MON2: variants seen among roughly 807,000 people sequenced by gnomAD.
MON2 encodes protein MON2 homolog.
Under a neutral mutation model 208.6 loss-of-function variants are expected in MON2, and 84 were observed. That is an observed-to-expected ratio of 0.40 (90% CI 0.34 to 0.48). The LOEUF (loss-of-function observed/expected upper bound fraction) is 0.48. MON2 is among the 20% of genes least tolerant of loss of function. The probability of loss-of-function intolerance (pLI) is 0.59; values close to 1 mark genes in which losing one functional copy is unlikely to be tolerated. For synonymous variants in MON2, 660 were observed against 694.0 expected (o/e 0.95, Z 0.77); for missense variants, 1,611 against 2,015.4 (o/e 0.80, Z 3.84).
intron 25 of MON2, among the ~76,000 whole-genome samples, chr12:62,557,586 G>C (rs1201213148): frequency 2.6e-5 from 4 of 152,136 alleles, no homozygotes; most frequent in African/African-American, 9.7e-5. Context: ...ATAGTTATGA[G>C]CATGTTGTAC....
At chr12:62,515,889 G>A (rs373912886) in intron 8 of MON2, among the ~76,000 whole-genome samples, 18 of 151,966 alleles carry the variant, frequency 1.2e-4, no homozygotes, top group African/African-American at 3.9e-4. Context: ...AACTGTACAC[G>A]TAAATATTGT....
At chr12:62,477,776 G>C (rs989059835) in intron 1 of MON2, among the ~76,000 whole-genome samples, 2 of 152,086 alleles carry the variant, frequency 1.3e-5, no homozygotes, top group African/African-American at 4.8e-5. Context: ...TCCTGCGCAA[G>C]TTACATAATG....
At chr12:62,573,394 CTTT>C (rs778858180) in intron 30 of MON2, among the ~76,000 whole-genome samples, 3 of 134,160 alleles carry the variant, frequency 2.2e-5, no homozygotes, top group Admixed American at 7.5e-5. Context: ...TTCAGATCAG[CTTT>C]TTTTTTTTTT....
chr12:62,589,848 G>A (rs1292574324), intron 34 of MON2, among the ~76,000 whole-genome samples: 1 of 151,872 alleles, frequency 6.6e-6, no homozygotes, highest in African/African-American at 2.4e-5. Context: ...ATATGTATAA[G>A]GCAGTGTAGT....
rs572840103 is a variant in MON2, at chr12:62,547,135, A to G, written c.2753+63A>G. The G allele has an allele frequency of 5.4e-6, 6 of 1,117,542 alleles. No homozygotes were observed. The African/African-American group carries it at 9.7e-5, about 18-fold the overall frequency. The allele number at this position is 1,117,542 out of a possible 1,614,324, so 69.2% of individuals were successfully genotyped here. A position where few individuals can be genotyped will look rare whatever the true frequency, so the allele number is the denominator to read the frequency against. Reference sequence around the variant, plus strand: ...AAAAATAAAATATAAATAAAATAAAATTAACATCAAAAAAGTGATAGAGGT... The same window carrying G: ...AAAAATAAAATATAAATAAAATAAAGTTAACATCAAAAAAGTGATAGAGGT... On this transcript the variant is annotated intron_variant, in intron 22 of 34. Coordinates refer to ENST00000393630, the MANE Select transcript of MON2 (RefSeq NM_015026.3).
intron 2 of MON2, among the ~76,000 whole-genome samples, chr12:62,488,293 A>G (rs188827258): frequency 1.3e-5 from 2 of 152,288 alleles, no homozygotes; most frequent in Admixed American, 1.3e-4. Context: ...CACCTAACCC[A>G]GCCTGGGAAT....
chr12:62,535,884 G>A (rs185245565), intron 14 of MON2, among the ~76,000 whole-genome samples, 175 bp downstream of exon 14: 2 of 117,432 alleles, frequency 1.7e-5, no homozygotes, highest in East Asian at 3.1e-4. Context: ...TGGGGGGTGG[G>A]CATGGGATAT....
intron 19 of MON2, among the ~76,000 whole-genome samples, chr12:62,541,923 C>T (rs891097722): frequency 6.6e-6 from 1 of 152,176 alleles, no homozygotes. Context: ...ATATGCCAGG[C>T]ACTTTCTAAC....
chr12:62,490,772 A>G (rs10784301), intron 2 of MON2, among the ~76,000 whole-genome samples: 102,155 of 151,778 alleles, frequency 0.67, 34,623 homozygotes, highest in African/African-American at 0.77. Context: ...TATATAAATT[A>G]GGAGGGAAAA....
At position 62,538,118 on chromosome 12, in the gene MON2, T is replaced by C. The variant is rs2073068550; in HGVS notation, c.2141T>C (p.Leu714Ser). The C allele has an allele frequency of 2.5e-6, 4 of 1,613,880 alleles. No individual in the cohort carries two copies. Among genetic ancestry groups the C allele is most frequent in the Non-Finnish European group, 3.4e-6 (4 of 1,179,866 alleles). The change falls in exon 17 of 35, where the codon TTA becomes TCA. Residue 714 changes from leucine to serine, a missense_variant. Coordinates refer to ENST00000393630, the MANE Select transcript of MON2 (RefSeq NM_015026.3). The part of the protein sequence containing the change: ...TLQHLVWILG[L>S]KPSSGGALKP... Reference sequence around the variant, plus strand: ...CAGCATCTTGTGTGGATTCTGGGATTAAAGCCTAGTAGTGGCGGTGCCTTG... The same window carrying C: ...CAGCATCTTGTGTGGATTCTGGGATCAAAGCCTAGTAGTGGCGGTGCCTTG...
At chr12:62,497,095 G>A (rs937552131) in intron 4 of MON2, among the ~76,000 whole-genome samples, 6 of 139,222 alleles carry the variant, frequency 4.3e-5, no homozygotes, top group Non-Finnish European at 9.2e-5. Flanking sequence ...CTCATAGGTG[G>A]GAATTGAACA....
intron 4 of MON2, among the ~76,000 whole-genome samples, chr12:62,495,518 G>A (rs1225155601): frequency 4.0e-5 from 6 of 151,778 alleles, no homozygotes; most frequent in African/African-American, 1.2e-4. Context: ...GTGAAACCCC[G>A]TCTCTACTAA....
At chr12:62,526,201 A>G in intron 11 of MON2, 99 bp downstream of exon 11, 2 of 1,108,376 alleles carry the variant, frequency 1.8e-6, no homozygotes, top group Non-Finnish European at 2.7e-6. Flanking sequence ...TAGACCCACT[A>G]CTTCTAAGGT....
At position 62,596,744 on chromosome 12, in the gene MON2, A is replaced by G. The variant is rs920702522; in HGVS notation, c.*3995A>G. On this transcript the variant is annotated 3_prime_UTR_variant, in exon 35 of 35. Transcript: ENST00000393630. The stretch of plus-strand genomic sequence containing the variant: ...TGATCACTTGAATTAAAGTTTTTGT[A>G]TCTCTGGAAAGTAGAATAGTGCTTT... 6.6e-6 allele frequency: 1 copy of G among 152,240 alleles called. No individual in the cohort carries two copies. Among genetic ancestry groups the G allele is most frequent in the Non-Finnish European group, 1.5e-5 (1 of 68,036 alleles). The allele number at this position is 152,240 out of a possible 1,614,324, so 9.4% of individuals were successfully genotyped here.
chr12:62,472,347 A>C (rs1454512147), intron 1 of MON2, among the ~76,000 whole-genome samples: 3 of 152,336 alleles, frequency 2.0e-5, no homozygotes, highest in African/African-American at 7.2e-5. Flanking sequence ...GGGTGGTAGA[A>C]GAGTAAAGGG....
At chr12:62,487,192 T>C (rs2069850606) in intron 2 of MON2, among the ~76,000 whole-genome samples, 1 of 152,126 alleles carries the variant, frequency 6.6e-6, no homozygotes, top group South Asian at 2.1e-4. Context: ...AATAAAACTT[T>C]GAAAATGAGA....
At chr12:62,516,416 TAA>T (rs944333332) in intron 8 of MON2, among the ~76,000 whole-genome samples, 4 of 151,866 alleles carry the variant, frequency 2.6e-5, no homozygotes, top group African/African-American at 7.3e-5. Flanking sequence ...CAAAAATAAC[TAA>T]AAGAGGCCAG....
chr12:62,470,693 A>G lies in MON2; in HGVS notation c.111+3375A>G, dbSNP rs147367682. The G allele has an allele frequency of 1.8e-5, 20 of 1,130,602 alleles. No homozygotes were observed. In the East Asian group the frequency reaches 3.2e-4, roughly 18 times the overall value. 70.0% of individuals were successfully genotyped at this position (1,130,602 alleles called of 1,614,324 possible). ...AATAAAAACTTTCTTATTATTTCCT[A>G]TTTGCAGGTACAGATGAGGGGTATC... On this transcript the variant is annotated intron_variant, in intron 1 of 34. Coordinates refer to ENST00000393630, the MANE Select transcript of MON2 (RefSeq NM_015026.3).
chr12:62,491,248 G>T (rs2070119010), intron 2 of MON2, among the ~76,000 whole-genome samples: 1 of 152,146 alleles, frequency 6.6e-6, no homozygotes, highest in African/African-American at 2.4e-5. Flanking sequence ...CATTGACTTA[G>T]AAGAAAATCT....
Sources: allele counts gnomAD v4.1 joint callset (sites outside exome capture counted in the v4.1 genomes callset), GRCh38; gene constraint gnomAD v4.1.1; transcripts MANE v1.5; gene names NCBI Gene and HGNC (gene_info 2026-07-23, HGNC 2026-07-21).